Variants in THBS4 observed in about 807,000 individuals in gnomAD.
The protein encoded by THBS4 is thrombospondin 4, also known as thrombospondin-4.
In THBS4, 90 loss-of-function variants were observed where a neutral mutation model predicts 115.7. The observed-to-expected ratio is 0.78, with a 90% CI of 0.66 to 0.93. THBS4 has a LOEUF of 0.93. Among genes scored for constraint, THBS4 ranks in the 40% least tolerant of loss-of-function variants. The pLI, the probability that THBS4 is intolerant of heterozygous loss-of-function variation, is 0.00. For synonymous variants in THBS4, 460 were observed against 479.3 expected (o/e 0.96, Z 0.53); for missense variants, 1,087 against 1,232.7 (o/e 0.88, Z 1.77).
chr5:80,082,504 A>G lies in THBS4; in HGVS notation c.2783A>G (p.Gln928Arg), dbSNP rs1471205946. ...GGRLGVFCFS[Q>R]ENIIWSNLKY... ...CGACTTGGCGTTTTCTGCTTCTCTCAAGAAAACATCATCTGGTCCAACCTC... is the reference window on the plus strand; with the variant it reads ...CGACTTGGCGTTTTCTGCTTCTCTCGAGAAAACATCATCTGGTCCAACCTC... The change falls in exon 21 of 22, where the codon CAA (glutamine) becomes CGA (arginine). Residue 928 changes from glutamine to arginine, a missense_variant. Transcript: ENST00000350881. 1 of 1,614,164 alleles carries G rather than the reference A, an allele frequency of 6.2e-7. No individual in the cohort carries two copies. Among genetic ancestry groups the G allele is most frequent in the East Asian group, 2.2e-5 (1 of 44,872 alleles).
chr5:80,010,251 A>C (rs1832097343), intron 2 of THBS4, among the ~76,000 whole-genome samples: 1 of 152,182 alleles, frequency 6.6e-6, no homozygotes, highest in South Asian at 2.1e-4. Context: ...ATTGGAGCAG[A>C]CTACACTTTC....
Position 80,076,852 on chromosome 5 carries a change from C to T in THBS4, c.1893-3C>T, listed in dbSNP as rs1743241725. The T allele has an allele frequency of 1.9e-6, 3 of 1,573,980 alleles. No homozygotes were observed. The highest frequency in any genetic ancestry group is 2.6e-6 in the Non-Finnish European group (3 of 1,158,810). On this transcript the variant is annotated splice_polypyrimidine_tract_variant and splice_region_variant and intron_variant, in intron 15 of 21. Coordinates refer to ENST00000350881, the MANE Select transcript of THBS4 (RefSeq NM_003248.6). ...GCCACATCACCTGTCCTTTCTCCTG[C>T]AGTGATGGAGATGGGCACCAGGACA...
At chr5:79,997,097 G>T (rs1271554709) in intron 1 of THBS4, among the ~76,000 whole-genome samples, 1 of 151,566 alleles carries the variant, frequency 6.6e-6, no homozygotes, top group East Asian at 1.9e-4. Context: ...GGAGTGATAG[G>T]TTGGAAGTGG....
intron 2 of THBS4, among the ~76,000 whole-genome samples, chr5:80,030,016 G>C (rs1832555558): frequency 6.6e-6 from 1 of 151,798 alleles, no homozygotes; most frequent in Non-Finnish European, 1.5e-5. Context: ...CTAATCAAAA[G>C]ACTCCAGCTT....
At chr5:80,010,938 G>C (rs1832112214) in intron 2 of THBS4, among the ~76,000 whole-genome samples, 1 of 152,242 alleles carries the variant, frequency 6.6e-6, no homozygotes, top group Non-Finnish European at 1.5e-5. Flanking sequence ...CAGCACAGCA[G>C]AGCATCTGGG....
chr5:80,026,458 G>A, intron 2 of THBS4, among the ~76,000 whole-genome samples: 1 of 152,170 alleles, frequency 6.6e-6, no homozygotes, highest in East Asian at 1.9e-4. Flanking sequence ...AGGATTGCCA[G>A]AAAAGGCATG....
intron 2 of THBS4, among the ~76,000 whole-genome samples, chr5:80,015,325 C>T (rs1211273463): frequency 2.0e-5 from 3 of 152,152 alleles, no homozygotes; most frequent in Non-Finnish European, 4.4e-5. Flanking sequence ...GATGATCCAG[C>T]TATCAGGTTC....
chr5:80,018,716 C>T (rs890794141), intron 2 of THBS4, among the ~76,000 whole-genome samples: 7 of 151,958 alleles, frequency 4.6e-5, no homozygotes, highest in Admixed American at 3.3e-4. Flanking sequence ...ATTTTTTAAA[C>T]ATTTTTTATT....
chr5:80,058,737 A>G lies in THBS4; in HGVS notation c.679A>G (p.Met227Val), dbSNP rs150354303. Residue 227 changes from methionine to valine, a missense_variant, in exon 5 of 22, where the codon ATG becomes GTG. Met to Val is a conservative substitution (Grantham distance 21). Transcript: ENST00000350881. ...CTTTAACCGGCAGTTCTTGGGTCAAATGACACAATTAAACCAACTCCTGGG... is the reference window on the plus strand; with the variant it reads ...CTTTAACCGGCAGTTCTTGGGTCAAGTGACACAATTAAACCAACTCCTGGG... ...GDFNRQFLGQ[M>V]TQLNQLLGEV... 5.6e-5 allele frequency: 91 copies of G among 1,614,156 alleles called. No individual in the cohort carries two copies. In the African/African-American group the frequency reaches 1.0e-3, roughly 18 times the overall value.
chr5:79,995,520 GT>G (rs1055535719), intron 1 of THBS4, among the ~76,000 whole-genome samples: 7 of 151,182 alleles, frequency 4.6e-5, no homozygotes, highest in African/African-American at 1.7e-4. Context: ...AAGACTCAAA[GT>G]TTTTGAAAGA....
chr5:80,001,142 CA>C (rs1246936057), intron 2 of THBS4, among the ~76,000 whole-genome samples: 1 of 152,148 alleles, frequency 6.6e-6, no homozygotes, highest in Non-Finnish European at 1.5e-5. Flanking sequence ...TTAAAATTGG[CA>C]AATATAATTA....
chr5:80,004,899 G>A lies in THBS4; in HGVS notation n.177+6472G>A, dbSNP rs1449922081. Among the ~76,000 whole-genome samples, 8 of 151,922 alleles carry A rather than the reference G, an allele frequency of 5.3e-5. No homozygotes were observed. In the South Asian group the frequency reaches 1.0e-3, roughly 20 times the overall value. On this transcript the variant is annotated intron_variant and non_coding_transcript_variant, in intron 2 of 3. Coordinates refer to the THBS4 transcript ENST00000510218. ...ATTACAGGCACCCACCACCACACCC[G>A]GCTAATTTTTGTATTTTTAGTAGAG...
In THBS4 at chr5:80,058,799, C is replaced by T. The variant is rs771996684; in HGVS notation, c.732+9C>T. 8.1e-6 allele frequency: 13 copies of T among 1,611,460 alleles called. No individual in the cohort carries two copies. Among genetic ancestry groups the T allele is most frequent in the African/African-American group, 5.3e-5 (4 of 74,808 alleles). On this transcript the variant is annotated intron_variant, in intron 5 of 21. Coordinates refer to ENST00000350881, the MANE Select transcript of THBS4 (RefSeq NM_003248.6). The stretch of plus-strand genomic sequence containing the variant: ...ACCTTCTGAGACAGCAGGTAACAAG[C>T]GGGACATATCATCAGAAAAGCCCTC...
Position 80,035,971 on chromosome 5 carries a change from C to T in THBS4, c.88+346C>T. 9 of 1,034,636 alleles carry T rather than the reference C, an allele frequency of 8.7e-6. No homozygotes were observed. The highest frequency in any genetic ancestry group is 9.3e-6 in the Non-Finnish European group (8 of 862,354). 64.1% of individuals were successfully genotyped at this position (1,034,636 alleles called of 1,614,324 possible). On this transcript the variant is annotated intron_variant, in intron 1 of 21. Coordinates refer to ENST00000350881, the MANE Select transcript of THBS4 (RefSeq NM_003248.6). The surrounding 1 kb of genome is among the most constrained non-coding windows in gnomAD (Gnocchi z 4.6). ...TGTAGGGTGAATTCCGGGTCCTGCA[C>T]CCTGTGCCGGTTCCCTCCAGGCAGC...
At position 80,071,181 on chromosome 5, in the gene THBS4, G is replaced by A; in HGVS notation, c.1720+1G>A. The A allele has an allele frequency of 1.3e-6, 2 of 1,567,548 alleles. No homozygotes were observed. The highest frequency in any genetic ancestry group is 1.7e-6 in the Non-Finnish European group (2 of 1,163,496). On this transcript the variant is annotated splice_donor_variant, in intron 13 of 21. Transcript: ENST00000350881. LOFTEE classifies it high-confidence loss of function. ...TGTGATGATGACATGGATGGAGATG[G>A]TAGATTTATCTTGCTTTTGTCTTTT... is the stretch of plus-strand genomic sequence containing the variant.
intron 2 of THBS4, chr5:80,052,429 C>T (rs1392654617): frequency 6.6e-6 from 1 of 152,276 alleles, no homozygotes; most frequent in Admixed American, 6.5e-5. Context: ...TATTTCCCTC[C>T]ATTCCATTAT....
chr5:80,008,230 TTTAAA>T (rs1389228307), intron 2 of THBS4, among the ~76,000 whole-genome samples: 2 of 152,178 alleles, frequency 1.3e-5, no homozygotes, highest in Non-Finnish European at 2.9e-5. Context: ...CAATCAGTGG[TTTAAA>T]TTAAGATGTA....
At chr5:80,040,014 G>T (rs536778118) in intron 1 of THBS4, 63 bp from the exon 2 acceptor site, 2 of 1,461,706 alleles carry the variant, frequency 1.4e-6, no homozygotes, top group Non-Finnish European at 1.9e-6. Flanking sequence ...CCCAAACAAA[G>T]AAACCCTGTT....
intron 5 of THBS4, 107 bp downstream of exon 5, chr5:80,058,897 C>A: frequency 8.8e-7 from 1 of 1,140,388 alleles, no homozygotes; most frequent in Non-Finnish European, 1.2e-6. Context: ...GCCTCTGAGC[C>A]AGATCTCCGG....
Sources: allele counts gnomAD v4.1 joint callset (sites outside exome capture counted in the v4.1 genomes callset), GRCh38; gene constraint gnomAD v4.1.1; non-coding constraint Gnocchi (gnomAD v3.1); transcripts MANE v1.5; gene names NCBI Gene and HGNC (gene_info 2026-07-23, HGNC 2026-07-21).